The following MARCHF1 variants were observed in gnomAD, a reference collection of about 807,000 sequenced individuals.
The protein encoded by MARCHF1 is E3 ubiquitin-protein ligase MARCHF1.
A neutral mutation model predicts 54.2 loss-of-function variants in MARCHF1; 40 were observed. The ratio of observed to expected loss-of-function variants is 0.74; its 90% CI spans 0.57 to 0.96. MARCHF1 has a LOEUF of 0.96. Among genes scored for constraint, MARCHF1 ranks in the 40% least tolerant of loss-of-function variants. The probability of loss-of-function intolerance (pLI) is 0.00; values close to 1 mark genes in which losing one functional copy is unlikely to be tolerated. For missense variants in MARCHF1, 586 were observed against 656.5 expected (o/e 0.89, Z 1.17); for synonymous variants, 236 against 236.3 (o/e 1.00, Z 0.01).
At chr4:163,817,489 T>C (rs1348157622) in intron 4 of MARCHF1, among the ~76,000 whole-genome samples, 1 of 150,590 alleles carries the variant, frequency 6.6e-6, no homozygotes, top group Non-Finnish European at 1.5e-5. Flanking sequence ...CACATATCCA[T>C]CATGTTTCAG....
chr4:163,567,262 G>A (rs548365756), intron 8 of MARCHF1, among the ~76,000 whole-genome samples: 1 of 151,860 alleles, frequency 6.6e-6, no homozygotes, highest in African/African-American at 2.4e-5. Context: ...CCATCTTTAT[G>A]CCAATGACAT....
intron 4 of MARCHF1, among the ~76,000 whole-genome samples, chr4:163,719,221 C>T (rs1745362296): frequency 6.6e-6 from 1 of 151,036 alleles, no homozygotes; most frequent in Admixed American, 6.6e-5. Flanking sequence ...TGATGTTCCC[C>T]TTCCTATGTC....
chr4:163,652,939 G>A (rs1743017554), intron 5 of MARCHF1, among the ~76,000 whole-genome samples: 1 of 151,802 alleles, frequency 6.6e-6, no homozygotes, highest in Admixed American at 6.6e-5. Flanking sequence ...TAAATAAAAC[G>A]GAGTTCTTTC....
At chr4:164,028,960 G>A (rs918215633) in intron 2 of MARCHF1, among the ~76,000 whole-genome samples, 1 of 152,086 alleles carries the variant, frequency 6.6e-6, no homozygotes, top group African/African-American at 2.4e-5. Flanking sequence ...TTGACTCATA[G>A]TAACTTTACA....
chr4:163,540,421 G>A (rs1208577979), intron 9 of MARCHF1, among the ~76,000 whole-genome samples: 7 of 151,974 alleles, frequency 4.6e-5, no homozygotes, highest in African/African-American at 2.4e-5. Flanking sequence ...AGAGGGGAGC[G>A]GGTTTTCTTC....
intron 2 of MARCHF1, among the ~76,000 whole-genome samples, chr4:163,993,319 T>C (rs1579446040): frequency 6.6e-6 from 1 of 152,176 alleles, no homozygotes; most frequent in Non-Finnish European, 1.5e-5. Context: ...TGGAATCCAA[T>C]TGTGACTACA....
At chr4:164,176,978 CTCT>C (rs1730700048) in intron 1 of MARCHF1, among the ~76,000 whole-genome samples, 2 of 38,876 alleles carry the variant, frequency 5.1e-5, no homozygotes, top group Non-Finnish European at 4.8e-5. Context: ...CTCTCTCTCT[CTCT>C]ATATATATAT....
chr4:163,861,057 C>G (rs900383071), intron 3 of MARCHF1, among the ~76,000 whole-genome samples: 1 of 152,080 alleles, frequency 6.6e-6, no homozygotes, highest in Admixed American at 6.6e-5. Context: ...AAGGACTATA[C>G]TGGAAAAAGG....
At chr4:164,359,769 A>C (rs1241316647) in intron 1 of MARCHF1, among the ~76,000 whole-genome samples, 3 of 152,094 alleles carry the variant, frequency 2.0e-5, no homozygotes, top group African/African-American at 7.2e-5. Flanking sequence ...ATGTGCTTAC[A>C]TTTTAGCTAC....
intron 8 of MARCHF1, among the ~76,000 whole-genome samples, chr4:163,577,380 T>G (rs755632095): frequency 5.9e-5 from 9 of 152,086 alleles, no homozygotes; most frequent in Non-Finnish European, 8.8e-5. Context: ...TGAAATTTCT[T>G]TTGTTTAAGA....
chr4:164,348,329 A>G (rs1730173909), intron 1 of MARCHF1, among the ~76,000 whole-genome samples: 1 of 152,226 alleles, frequency 6.6e-6, no homozygotes, highest in Non-Finnish European at 1.5e-5. Flanking sequence ...GACTTGCTTC[A>G]AAACAAAATG....
chr4:164,144,540 C>A (rs1166471703), intron 1 of MARCHF1, among the ~76,000 whole-genome samples: 2 of 151,936 alleles, frequency 1.3e-5, no homozygotes, highest in Admixed American at 1.3e-4. Context: ...CGCAACTACA[C>A]AGAAACTGAA....
At chr4:163,829,716 G>T (rs1469095451) in intron 4 of MARCHF1, among the ~76,000 whole-genome samples, 1 of 152,124 alleles carries the variant, frequency 6.6e-6, no homozygotes, top group Non-Finnish European at 1.5e-5. Flanking sequence ...CACTGTTTCT[G>T]CCAGCATTAC....
intron 2 of MARCHF1, among the ~76,000 whole-genome samples, chr4:164,060,694 C>T (rs1754596758): frequency 1.3e-5 from 2 of 152,038 alleles, no homozygotes; most frequent in African/African-American, 2.4e-5. Context: ...AGGAACAGAA[C>T]TTGGAAAAAT....
intron 4 of MARCHF1, among the ~76,000 whole-genome samples, chr4:163,827,036 T>C (rs546163151): frequency 3.3e-5 from 5 of 152,130 alleles, no homozygotes; most frequent in African/African-American, 9.6e-5. Flanking sequence ...CAGCCTAAAA[T>C]TGTATGAACT....
At chr4:164,245,663 C>A (rs1732926648) in intron 1 of MARCHF1, among the ~76,000 whole-genome samples, 1 of 151,938 alleles carries the variant, frequency 6.6e-6, no homozygotes, top group East Asian at 1.9e-4. Flanking sequence ...TCAAATTGTC[C>A]CTCTTTGCAG....
chr4:163,853,891 A>G (rs1749701405), intron 4 of MARCHF1, 130 bp downstream of exon 4: 1 of 666,392 alleles, frequency 1.5e-6, no homozygotes, highest in Non-Finnish European at 2.3e-6. Context: ...ATATGAATAT[A>G]TTATATAATA....
intron 8 of MARCHF1, among the ~76,000 whole-genome samples, chr4:163,580,062 A>ATTTATTTAT (rs1553993936): frequency 4.2e-5 from 6 of 144,212 alleles, no homozygotes; most frequent in South Asian, 2.2e-4. Context: ...AGCCTTATTT[A>ATTTATTTAT]TTATTTATTT....
intron 1 of MARCHF1, among the ~76,000 whole-genome samples, chr4:164,175,981 A>C (rs1730652831): frequency 6.6e-6 from 1 of 152,216 alleles, no homozygotes; most frequent in Non-Finnish European, 1.5e-5. Context: ...TTTAGCAATC[A>C]GTCCTCATCA....
Sources: allele counts gnomAD v4.1 joint callset (sites outside exome capture counted in the v4.1 genomes callset), GRCh38; gene constraint gnomAD v4.1.1; transcripts MANE v1.5; gene names NCBI Gene and HGNC (gene_info 2026-07-23, HGNC 2026-07-21).